WRAP73: variants seen among roughly 807,000 people sequenced by gnomAD.
WRAP73 encodes the protein WD repeat containing, antisense to TP73.
WRAP73 carries 55 observed loss-of-function variants against 59.6 expected under a neutral mutation model. That is an observed-to-expected ratio of 0.92 (90% CI 0.74 to 1.15). The LOEUF (loss-of-function observed/expected upper bound fraction) is 1.15, where lower values mean the gene tolerates loss of function less well. Ranked by LOEUF, WRAP73 falls within the 50% of genes most tolerant of loss-of-function variation. The pLI, the probability that WRAP73 is intolerant of heterozygous loss-of-function variation, is 0.00. For missense variants in WRAP73, 592 were observed against 608.1 expected, an observed-to-expected ratio of 0.97 and a Z score of 0.28; for synonymous variants, 265 against 258.2, an observed-to-expected ratio of 1.03 and a Z score of -0.25.
chr1:3,638,221 G>A (rs756230416), intron 4 of WRAP73, among the ~76,000 whole-genome samples: 34 of 152,256 alleles, frequency 2.2e-4, no homozygotes, highest in Non-Finnish European at 3.4e-4. Flanking sequence ...AGTTAGACGC[G>A]CTGGCAGTGG....
chr1:3,632,194 C>T lies in WRAP73; in HGVS notation c.1048+19G>A. 6.2e-7 allele frequency: 1 copy of T among 1,606,010 alleles called. No homozygotes were observed. Among genetic ancestry groups the T allele is most frequent in the African/African-American group, 1.3e-5 (1 of 75,006 alleles). On this transcript the variant is annotated intron_variant, in intron 10 of 11. Transcript: ENST00000270708. ...GACACAGTAAAGGGTGAGACAGCAC[C>T]TGCGTCAGCACAACTGACCGTTCCT...
chr1:3,644,694 G>A (rs10910000), intron 3 of WRAP73, among the ~76,000 whole-genome samples: 2,606 of 152,312 alleles, frequency 0.017, 73 homozygotes, highest in African/African-American at 0.06. Flanking sequence ...CTTAGTCTTA[G>A]GTTGAACAAT....
rs1253128214 is a variant in WRAP73, at chr1:3,630,934, C to A, written c.*41G>T. The A allele has an allele frequency of 6.3e-7, 1 of 1,584,284 alleles. No individual in the cohort carries two copies. Among genetic ancestry groups the A allele is most frequent in the Non-Finnish European group, 8.6e-7 (1 of 1,162,242 alleles). ...GCTGTGTTTTTTCCCACACTGGAAA[C>A]ACAGAGTAGCCCTGTTTCTGCACAC... On this transcript the variant is annotated 3_prime_UTR_variant, in exon 12 of 12. Transcript: ENST00000270708.
intron 1 of WRAP73, 25 bp downstream of exon 1, chr1:3,649,906 C>A: frequency 1.3e-6 from 2 of 1,586,312 alleles, no homozygotes; most frequent in Non-Finnish European, 1.7e-6. Flanking sequence ...ATGTCCTGCC[C>A]GTGGCCCAGG....
intron 10 of WRAP73, chr1:3,631,886 T>A: frequency 9.2e-7 from 1 of 1,087,900 alleles, no homozygotes; most frequent in Non-Finnish European, 1.2e-6. Context: ...TTCTTTGGTA[T>A]TTTTTTTTTT....
intron 3 of WRAP73, among the ~76,000 whole-genome samples, chr1:3,641,045 A>G (rs562045920): frequency 4.6e-5 from 7 of 152,352 alleles, no homozygotes; most frequent in South Asian, 2.1e-4. Context: ...TAAAAACCCA[A>G]TAAGAAAAAA....
Position 3,635,953 on chromosome 1 carries a change from G to A in WRAP73, c.594C>T (p.Thr198=), listed in dbSNP as rs142066191. ...CTGGTCATCTTCATACCTCCAAGCA[G>A]GTGTCCCACACTGCCAGCACACAGC... ...PNGCVLAVWD[T]CLEYKILLYS... The change falls in exon 6 of 12, where the codon ACC becomes ACT. Residue 198 remains threonine (T), a synonymous_variant. Transcript: ENST00000270708. 73 of 1,613,830 alleles carry A rather than the reference G, an allele frequency of 4.5e-5. No individual in the cohort carries two copies. The highest frequency in any genetic ancestry group is 6.1e-5 in the Non-Finnish European group (72 of 1,179,934).
rs748053375 is a variant in WRAP73, at chr1:3,633,365, A to T, written c.922+33T>A. 3.8e-6 allele frequency: 6 copies of T among 1,569,962 alleles called. No homozygotes were observed. The South Asian group carries it at 6.7e-5, about 17-fold the overall frequency. ...ACAACGAGGAATCTTGCATTAAAAAAGGAAAACAAATGACATCACATGTGC... is the reference window on the plus strand; with the variant it reads ...ACAACGAGGAATCTTGCATTAAAAATGGAAAACAAATGACATCACATGTGC... On this transcript the variant is annotated intron_variant, in intron 9 of 11. Coordinates refer to ENST00000270708, the MANE Select transcript of WRAP73 (RefSeq NM_017818.4).
intron 9 of WRAP73, chr1:3,632,590 G>A (rs1468061862): frequency 1.9e-5 from 10 of 530,194 alleles, no homozygotes; most frequent in African/African-American, 1.3e-4. Flanking sequence ...TGGACCCCAC[G>A]TGCCAGGGGC....
In WRAP73 at chr1:3,637,066, C is replaced by A. The variant is rs1644595305; in HGVS notation, c.445G>T (p.Ala149Ser). The A allele has an allele frequency of 6.2e-7, 1 of 1,612,888 alleles. No homozygotes were observed. Among genetic ancestry groups the A allele is most frequent in the Non-Finnish European group, 8.5e-7 (1 of 1,179,838 alleles). The change falls in exon 5 of 12, where the codon GCG (alanine) becomes TCG (serine). Residue 149 changes from alanine to serine, a missense_variant. Transcript: ENST00000270708. ...ITFTRDGRYMALAERRDCKDY... is the reference protein window; with the variant it reads ...ITFTRDGRYMSLAERRDCKDY... Reference sequence around the variant, plus strand: ...TTGCAGTCGCGCCGTTCTGCCAGCGCCATGTAGCGGCCGTCCCTGGTGAAG... The same window carrying A: ...TTGCAGTCGCGCCGTTCTGCCAGCGACATGTAGCGGCCGTCCCTGGTGAAG...
At chr1:3,647,625 G>A in intron 1 of WRAP73, 65 bp from the exon 2 acceptor site, 1 of 1,558,948 alleles carries the variant, frequency 6.4e-7, no homozygotes, top group Middle Eastern at 1.7e-4. Flanking sequence ...CCTTCGGAAT[G>A]CTACTGCCCT....
chr1:3,631,010 C>T lies in WRAP73; in HGVS notation c.1348G>A (p.Gly450Ser), dbSNP rs377670465. 2.4e-5 allele frequency: 38 copies of T among 1,612,858 alleles called. No individual in the cohort carries two copies. In the African/African-American group the frequency reaches 3.9e-4, roughly 16 times the overall value. Residue 450 changes from glycine (G) to serine (S), a missense_variant, in exon 12 of 12, where the codon GGC becomes AGC. Coordinates refer to ENST00000270708, the MANE Select transcript of WRAP73 (RefSeq NM_017818.4). The part of the protein sequence containing the change: ...LCFLETEAVV[G>S]TACRQLGGHT ...CCGCCCAGCTGTCTGCAGGCTGTGCCGACCACTGCCTCTGTCTCCAGGAAG... is the reference window on the plus strand; with the variant it reads ...CCGCCCAGCTGTCTGCAGGCTGTGCTGACCACTGCCTCTGTCTCCAGGAAG...
Position 3,650,047 on chromosome 1 carries a change from AC to A in WRAP73, c.-49del. The A allele has an allele frequency of 1.3e-6, 2 of 1,528,282 alleles. No individual in the cohort carries two copies. The highest frequency in any genetic ancestry group is 1.8e-6 in the Non-Finnish European group (2 of 1,137,050). 94.7% of individuals were successfully genotyped at this position (1,528,282 alleles called of 1,614,324 possible). A position where few individuals can be genotyped will look rare whatever the true frequency, so the allele number is the denominator to read the frequency against. Reference sequence around the variant, plus strand: ...CACCCTGCGCCCGAAAACCCGCGGGACCCCTGGGCGCGCAGCAGGCTGCAAC... The same window carrying A: ...CACCCTGCGCCCGAAAACCCGCGGGACCCTGGGCGCGCAGCAGGCTGCAAC... On this transcript the variant is annotated 5_prime_UTR_variant, in exon 1 of 12. Coordinates refer to ENST00000270708, the MANE Select transcript of WRAP73 (RefSeq NM_017818.4).
rs201194935 is a variant in WRAP73, at chr1:3,631,072, G to A, written c.1286C>T (p.Ser429Leu). The change falls in exon 12 of 12, where the codon TCG (serine) becomes TTG (leucine). Residue 429 changes from serine to leucine, a missense_variant. By Grantham distance (145) the Ser-to-Leu change is moderately radical (BLOSUM62 -2). Transcript: ENST00000270708. ...LSLCWHLSGD[S>L]MALLSKDHFC... ...GTGATCCTTGCTGAGGAGGGCCATC[G>A]AGTCTCCGCTTAAATGCCAGCACAG... 2.9e-5 allele frequency: 46 copies of A among 1,613,218 alleles called. No homozygotes were observed. Among genetic ancestry groups the A allele is most frequent in the Non-Finnish European group, 3.6e-5 (42 of 1,180,032 alleles).
chr1:3,646,877 G>T lies in WRAP73; in HGVS notation c.223-95C>A. ...GCTTAAACGCAGCGGAGACCCGACCGCACAGGGTGTCTTCAAACTCATCAG... is the reference window on the plus strand; with the variant it reads ...GCTTAAACGCAGCGGAGACCCGACCTCACAGGGTGTCTTCAAACTCATCAG... On this transcript the variant is annotated intron_variant, in intron 2 of 11. Coordinates refer to ENST00000270708, the MANE Select transcript of WRAP73 (RefSeq NM_017818.4). The surrounding 1 kb of genome is among the most constrained non-coding windows in gnomAD (Gnocchi z 5.1). 2 of 1,017,594 alleles carry T rather than the reference G, an allele frequency of 2.0e-6. No homozygotes were observed. The highest frequency in any genetic ancestry group is 3.0e-6 in the Non-Finnish European group (2 of 669,130). 63.0% of individuals were successfully genotyped at this position (1,017,594 alleles called of 1,614,324 possible). A position where few individuals can be genotyped will look rare whatever the true frequency, so the allele number is the denominator to read the frequency against.
At chr1:3,631,212 GGAGT>G in intron 11 of WRAP73, 95 bp from the exon 12 acceptor site, 3 of 1,561,950 alleles carry the variant, frequency 1.9e-6, no homozygotes, top group South Asian at 2.4e-5. Flanking sequence ...CACAGTGCCT[GGAGT>G]GACCCACATA....
intron 9 of WRAP73, 78 bp from the exon 10 acceptor site, chr1:3,632,416 G>C: frequency 1.2e-6 from 2 of 1,604,746 alleles, no homozygotes; most frequent in South Asian, 2.2e-5. Flanking sequence ...TGCTGTGCCT[G>C]CATCGGGCAT....
chr1:3,647,376 G>A (rs756680869), intron 2 of WRAP73, 32 bp downstream of exon 2: 7 of 1,589,556 alleles, frequency 4.4e-6, no homozygotes, highest in Non-Finnish European at 5.1e-6. Context: ...CTCAGAAGGT[G>A]TCCAGATTCT....
rs74048694 is a variant in WRAP73 at position 3,638,281 on chromosome 1, A to T, written c.412+469T>A. On this transcript the variant is annotated intron_variant, in intron 4 of 11. Coordinates refer to ENST00000270708, the MANE Select transcript of WRAP73 (RefSeq NM_017818.4). ...TTCCAGATGGCTCACAGGCTTCCAC[A>T]AGGAAGGGACACTGGTCACATATCC... Among the ~76,000 whole-genome samples, 693 of 152,310 alleles carry T rather than the reference A, an allele frequency of 4.5e-3. 13 individuals carry two copies. The highest frequency in any genetic ancestry group is 0.016 in the African/African-American group (658 of 41,570).
Sources: gnomAD v4.1 joint callset for allele counts (sites outside exome capture counted in the v4.1 genomes callset) on GRCh38, gnomAD v4.1.1 for gene constraint, Gnocchi (gnomAD v3.1) non-coding constraint, MANE v1.5 for transcripts, NCBI Gene and HGNC (gene_info 2026-07-23, HGNC 2026-07-21) for gene names.